The following GALNT18 variants were observed in gnomAD, a reference collection of about 807,000 sequenced individuals.
GALNT18 encodes polypeptide N-acetylgalactosaminyltransferase 18.
GALNT18 carries 44 observed loss-of-function variants against 69.5 expected under a neutral mutation model. The ratio of observed to expected loss-of-function variants is 0.63; its 90% CI spans 0.50 to 0.81. The LOEUF is 0.81. GALNT18 is among the 40% of genes least tolerant of loss of function. GALNT18 has a pLI of 0.00. For missense variants in GALNT18, 715 were observed against 810.0 expected (o/e 0.88, Z 1.42); for synonymous variants, 364 against 318.2 (o/e 1.14, Z -1.53).
chr11:11,280,629 G>A (rs1849052870), intron 10 of GALNT18, among the ~76,000 whole-genome samples: 1 of 152,158 alleles, frequency 6.6e-6, no homozygotes, highest in South Asian at 2.1e-4. Context: ...CCAGTTCCTG[G>A]TGGGACAATT....
chr11:11,479,920 T>C (rs775371106), intron 1 of GALNT18, among the ~76,000 whole-genome samples: 7 of 152,132 alleles, frequency 4.6e-5, no homozygotes, highest in Non-Finnish European at 8.8e-5. Flanking sequence ...CAAATTGCAC[T>C]GTGGAGAGGT....
intron 1 of GALNT18, among the ~76,000 whole-genome samples, 176 bp from the exon 2 acceptor site, chr11:11,449,112 A>G (rs965625503): frequency 8.5e-5 from 13 of 152,206 alleles, no homozygotes; most frequent in African/African-American, 2.9e-4. Context: ...CCATGAATCC[A>G]TCCATTCATC....
At chr11:11,350,122 C>A (rs1246852710) in intron 6 of GALNT18, among the ~76,000 whole-genome samples, 1 of 152,174 alleles carries the variant, frequency 6.6e-6, no homozygotes, top group African/African-American at 2.4e-5. Context: ...TGGAAGCTTT[C>A]CATGAAGAAA....
chr11:11,351,949 G>A (rs538929410), intron 6 of GALNT18: 2 of 1,589,760 alleles, frequency 1.3e-6, no homozygotes, highest in South Asian at 1.1e-5. Flanking sequence ...GGCCGTTACT[G>A]CTGAGCGCCA....
intron 10 of GALNT18, among the ~76,000 whole-genome samples, chr11:11,286,339 G>A (rs1218216404): frequency 2.6e-5 from 4 of 152,126 alleles, no homozygotes; most frequent in Non-Finnish European, 5.9e-5. Context: ...TGTTTATGCC[G>A]TAACTTTGAG....
In GALNT18 at chr11:11,314,202, C is replaced by T. The variant is rs1849714636; in HGVS notation, c.1512+12884G>A. On this transcript the variant is annotated intron_variant, in intron 9 of 10. Transcript: ENST00000227756. The surrounding 1 kb of genome is among the most constrained non-coding windows in gnomAD (Gnocchi z 5.2). ...TGGGTGGAGGGCAAGAGACTCAGCC[C>T]CTCTCTGGTTAGTGAGTCTGAACAT... 2.6e-5 allele frequency among the ~76,000 whole-genome samples: 4 copies of T among 152,108 alleles called. No individual in the cohort carries two copies. In the South Asian group the frequency reaches 8.3e-4, roughly 32 times the overall value.
chr11:11,464,138 G>A (rs1007075675), intron 1 of GALNT18, among the ~76,000 whole-genome samples: 1 of 152,198 alleles, frequency 6.6e-6, no homozygotes, highest in African/African-American at 2.4e-5. Context: ...CATCCATACT[G>A]ATAGCTCCTG....
At chr11:11,378,994 G>T (rs1257060576) in intron 4 of GALNT18, 87 bp downstream of exon 4, 28 of 1,267,890 alleles carry the variant, frequency 2.2e-5, no homozygotes, top group Non-Finnish European at 2.9e-5. Context: ...CTTAGGCTAT[G>T]ACCAAGATCC....
At chr11:11,296,284 A>G (rs1164040614) in intron 9 of GALNT18, among the ~76,000 whole-genome samples, 2 of 152,174 alleles carry the variant, frequency 1.3e-5, no homozygotes, top group Non-Finnish European at 2.9e-5. Context: ...AACTCTTACT[A>G]CTTTGAAAAT....
Position 11,507,936 on chromosome 11 carries a change from G to T in GALNT18, c.236-59000C>A, listed in dbSNP as rs148287787. Among the ~76,000 whole-genome samples, 7 of 152,292 alleles carry T rather than the reference G, an allele frequency of 4.6e-5. No individual in the cohort carries two copies. In the East Asian group the frequency reaches 1.4e-3, roughly 29 times the overall value. On this transcript the variant is annotated intron_variant, in intron 1 of 10. Coordinates refer to ENST00000227756, the MANE Select transcript of GALNT18 (RefSeq NM_198516.3). ...GGATGCTTCCTGCCCTTGAACATTG[G>T]ACTCCAAGTTCTACCTTCGACCACA... is the stretch of plus-strand genomic sequence containing the variant.
rs1856874841 is a variant in GALNT18, at chr11:11,496,847, A to AC, written c.236-47912dup. 6.6e-6 allele frequency among the ~76,000 whole-genome samples: 1 copy of AC among 151,650 alleles called. No homozygotes were observed. The highest frequency in any genetic ancestry group is 2.4e-5 in the African/African-American group (1 of 41,216). On this transcript the variant is annotated intron_variant, in intron 1 of 10. Transcript: ENST00000227756. The surrounding 1 kb of genome is among the most constrained non-coding windows in gnomAD (Gnocchi z 4.0). ...CAACCACTTCTACGCCAGTTCCCTC[A>AC]CCCCCTGCCACCCATCAACCACAGT... is the stretch of plus-strand genomic sequence containing the variant.
chr11:11,421,515 C>T lies in GALNT18; in HGVS notation c.595+11106G>A, dbSNP rs1234726977. On this transcript the variant is annotated intron_variant, in intron 3 of 10. Coordinates refer to ENST00000227756, the MANE Select transcript of GALNT18 (RefSeq NM_198516.3). The surrounding 1 kb of genome is among the most constrained non-coding windows in gnomAD (Gnocchi z 5.6). ...GGATTGACCAGGGCTAGCTGGGAAG[C>T]TGGGGCCCAGCTAAGGGGATGAGGC... Among the ~76,000 whole-genome samples the T allele has an allele frequency of 1.3e-5, 2 of 152,134 alleles. No individual in the cohort carries two copies. The highest frequency in any genetic ancestry group is 4.1e-4 in the South Asian group (2 of 4,820).
At chr11:11,476,563 G>A (rs930479921) in intron 1 of GALNT18, 1 of 152,170 alleles carries the variant, frequency 6.6e-6, no homozygotes, top group African/African-American at 2.4e-5. Flanking sequence ...TTCTGCTATG[G>A]ACAGCTCCGG....
rs910686426 is a variant in GALNT18 at position 11,600,911 on chromosome 11, A to C, written c.235+20448T>G. Among the ~76,000 whole-genome samples, 4 of 151,916 alleles carry C rather than the reference A, an allele frequency of 2.6e-5. No homozygotes were observed. Among genetic ancestry groups the C allele is most frequent in the African/African-American group, 9.7e-5 (4 of 41,382 alleles). Reference sequence around the variant, plus strand: ...GCTGATACTTTCTTCTGCCAACTCAAATATATTTTTAAGTGCCCCAGTGAT... The same window carrying C: ...GCTGATACTTTCTTCTGCCAACTCACATATATTTTTAAGTGCCCCAGTGAT... On this transcript the variant is annotated intron_variant, in intron 1 of 10. Transcript: ENST00000227756. The surrounding 1 kb of genome is among the most constrained non-coding windows in gnomAD (Gnocchi z 4.8).
At chr11:11,483,026 C>T (rs571061630) in intron 1 of GALNT18, among the ~76,000 whole-genome samples, 19 of 152,210 alleles carry the variant, frequency 1.2e-4, no homozygotes, top group Non-Finnish European at 2.6e-4. Flanking sequence ...CGAAGTTCAG[C>T]CTTTGCTCAG....
At chr11:11,327,835 C>A (rs1849951669) in intron 8 of GALNT18, among the ~76,000 whole-genome samples, 1 of 152,234 alleles carries the variant, frequency 6.6e-6, no homozygotes, top group African/African-American at 2.4e-5. Flanking sequence ...TTCTTGCTTA[C>A]AGCCACTCTC....
intron 6 of GALNT18, among the ~76,000 whole-genome samples, chr11:11,355,508 C>G (rs1850512021): frequency 6.6e-6 from 1 of 152,202 alleles, no homozygotes; most frequent in South Asian, 2.1e-4. Context: ...TTATTAGTAG[C>G]ACCCCCTTTC....
intron 1 of GALNT18, among the ~76,000 whole-genome samples, chr11:11,455,049 G>T (rs181547505): frequency 1.3e-5 from 2 of 152,312 alleles, no homozygotes; most frequent in East Asian, 1.9e-4. Context: ...AGGGTGCGGG[G>T]AGCTGCAGCT....
chr11:11,434,297 A>C (rs1483148466), intron 2 of GALNT18, among the ~76,000 whole-genome samples: 1 of 152,154 alleles, frequency 6.6e-6, no homozygotes, highest in Non-Finnish European at 1.5e-5. Flanking sequence ...TTGTGATTTT[A>C]ATAAAACCAA....
Sources: allele counts gnomAD v4.1 joint callset (sites outside exome capture counted in the v4.1 genomes callset), GRCh38; gene constraint gnomAD v4.1.1; non-coding constraint Gnocchi (gnomAD v3.1); transcripts MANE v1.5; gene names NCBI Gene and HGNC (gene_info 2026-07-23, HGNC 2026-07-21).